The following GNG8 variants were observed in gnomAD, a reference collection of about 807,000 sequenced individuals.
The protein encoded by GNG8 is guanine nucleotide-binding protein G(I)/G(S)/G(O) subunit gamma-8.
In GNG8, 3 loss-of-function variants were observed where a neutral mutation model predicts 4.6. The observed-to-expected ratio is 0.65, with a 90% CI of 0.29 to 1.67. GNG8 has a LOEUF of 1.67. Ranked by LOEUF, GNG8 falls within the 40% of genes most tolerant of loss-of-function variation. The probability of loss-of-function intolerance (pLI) is 0.10; values close to 1 mark genes in which losing one functional copy is unlikely to be tolerated. For missense variants in GNG8, 88 were observed against 95.2 expected, an observed-to-expected ratio of 0.92 and a Z score of 0.32; for synonymous variants, 32 against 40.5, an observed-to-expected ratio of 0.79 and a Z score of 0.80.
upstream of GNG8, chr19:46,638,393 C>A (rs996007288): frequency 5.2e-5 from 8 of 153,206 alleles, no homozygotes; most frequent in East Asian, 1.9e-4. This position sits in a 1 kb window ranked among gnomAD's most constrained non-coding sequence, Gnocchi z 4.7. Flanking sequence ...CACCACACAC[C>A]ATCTCACCAG....
chr19:46,635,196 G>C lies in GNG8; in HGVS notation c.-43-471C>G, dbSNP rs530742436. 3.2e-3 allele frequency among the ~76,000 whole-genome samples: 487 copies of C among 151,932 alleles called. 1 individual carries two copies. Among genetic ancestry groups the C allele is most frequent in the African/African-American group, 0.011 (438 of 41,476 alleles). On this transcript the variant is annotated intron_variant, in intron 1 of 2. Transcript: ENST00000693335. ...ACCCTCAGGGAGCCCCCCCACCCTA[G>C]CCCTGGTCACCTCAAAGCCTCCTCT... is the stretch of plus-strand genomic sequence containing the variant.
At chr19:46,634,340 C>T (rs2052848777) in intron 2 of GNG8, 136 bp from the exon 3 acceptor site, 1 of 1,072,136 alleles carries the variant, frequency 9.3e-7, no homozygotes, top group Non-Finnish European at 1.3e-6. Flanking sequence ...TCTTACTCCG[C>T]CCCCTCGTCC....
chr19:46,635,255 G>C (rs900031215), intron 1 of GNG8, among the ~76,000 whole-genome samples: 8 of 151,702 alleles, frequency 5.3e-5, no homozygotes, highest in African/African-American at 1.9e-4. Flanking sequence ...GGCTGGGGGA[G>C]CCCAACTCGG....
chr19:46,633,954 TC>T lies in GNG8; in HGVS notation c.*121del. ...AGAAGGAATGAGAACGGACACAGCT[TC>T]CCCTACGGTGGCCCCAAGCTCTGTG... On this transcript the variant is annotated 3_prime_UTR_variant, in exon 3 of 3. Coordinates refer to ENST00000693335, the MANE Select transcript of GNG8 (RefSeq NM_033258.2). 8.6e-7 allele frequency: 1 copy of T among 1,157,440 alleles called. No homozygotes were observed. The highest frequency in any genetic ancestry group is 1.2e-6 in the Non-Finnish European group (1 of 812,078). 71.7% of individuals were successfully genotyped at this position (1,157,440 alleles called of 1,614,324 possible).
At chr19:46,635,513 A>C (rs1434598698) in intron 1 of GNG8, among the ~76,000 whole-genome samples, 1 of 72,860 alleles carries the variant, frequency 1.4e-5, no homozygotes, top group Non-Finnish European at 2.7e-5. Context: ...GAGGGGACAG[A>C]GCAGGGGAGA....
chr19:46,635,191 C>T (rs1169216001), intron 1 of GNG8, among the ~76,000 whole-genome samples: 1 of 151,884 alleles, frequency 6.6e-6, no homozygotes, highest in African/African-American at 2.4e-5. Flanking sequence ...AGCCCCCCCA[C>T]CCTAGCCCTG....
chr19:46,635,111 C>T (rs928763837), intron 1 of GNG8, among the ~76,000 whole-genome samples: 1 of 151,980 alleles, frequency 6.6e-6, no homozygotes, highest in Non-Finnish European at 1.5e-5. Flanking sequence ...ATTAAGATCG[C>T]GGCGGGAGGG....
rs1178315761 is a variant in GNG8, at chr19:46,634,495, T to C, written c.84+104A>G. 8 of 1,018,714 alleles carry C rather than the reference T, an allele frequency of 7.9e-6. No homozygotes were observed. The African/African-American group carries it at 1.3e-4, about 17-fold the overall frequency. The allele number at this position is 1,018,714 out of a possible 1,614,324, so 63.1% of individuals were successfully genotyped here. On this transcript the variant is annotated intron_variant, in intron 2 of 2. Transcript: ENST00000693335. ...CTGCCCCGCCCCTTGCCCAGCCCTG[T>C]TCCCAGGGGCATCCTTGCACTATGG...
chr19:46,635,109 C>T (rs960499702), intron 1 of GNG8, among the ~76,000 whole-genome samples: 2 of 152,092 alleles, frequency 1.3e-5, no homozygotes, highest in Admixed American at 1.3e-4. Context: ...GAATTAAGAT[C>T]GCGGCGGGAG....
intron 2 of GNG8, 115 bp downstream of exon 2, chr19:46,634,484 G>T (rs572612366): frequency 8.6e-6 from 7 of 810,916 alleles, no homozygotes; most frequent in South Asian, 5.0e-5. Flanking sequence ...CCCGCCCCTT[G>T]CCCAGCCCTG....
rs1475164290 is a variant in GNG8 at position 46,634,162 on chromosome 19, G to A, written c.127C>T (p.His43Tyr). 6.2e-7 allele frequency: 1 copy of A among 1,613,548 alleles called. No individual in the cohort carries two copies. The part of the protein sequence containing the change: ...AAELLAFCET[H>Y]AKDDPLVTPV... ...GTCACCAGCGGGTCATCTTTGGCAT[G>A]CGTCTCGCAGAAAGCCAGGAGTTCC... Residue 43 changes from histidine (H) to tyrosine (Y), a missense_variant, in exon 3 of 3, where the codon CAT becomes TAT. Transcript: ENST00000693335.
chr19:46,634,538 A>G (rs910554056), intron 2 of GNG8, 61 bp downstream of exon 2: 205 of 1,447,910 alleles, frequency 1.4e-4, no homozygotes, highest in Non-Finnish European at 1.9e-4. Context: ...CCGGGCCGAC[A>G]CAGCCCCGGA....
At chr19:46,637,772 A>G (rs1229020826), upstream of GNG8, 1 of 112,304 alleles carries the variant, frequency 8.9e-6, no homozygotes, top group Non-Finnish European at 1.8e-5. Context: ...TTATTTTGGT[A>G]GAGACGGCGG....
At chr19:46,636,828 G>C, upstream of GNG8, 1 of 137,636 alleles carries the variant, frequency 7.3e-6, no homozygotes, top group Admixed American at 7.8e-5. Context: ...GTCTCGCTGT[G>C]TTGCCCAGGC....
upstream of GNG8, chr19:46,638,750 C>A (rs1431499702): frequency 1.3e-5 from 2 of 152,478 alleles, no homozygotes; most frequent in African/African-American, 4.8e-5. The surrounding 1 kb of genome is among the most constrained non-coding windows in gnomAD (Gnocchi z 4.7). Context: ...CACGCCCAGG[C>A]GCCCACCCTG....
upstream of GNG8, among the ~76,000 whole-genome samples, chr19:46,636,373 T>C (rs1040697632): frequency 1.3e-5 from 2 of 152,156 alleles, no homozygotes; most frequent in Non-Finnish European, 2.9e-5. Flanking sequence ...CTGCCGCTGC[T>C]GTCCTATTGT....
intron 1 of GNG8, among the ~76,000 whole-genome samples, 72 bp downstream of exon 1, chr19:46,636,075 C>T (rs1415145889): frequency 6.6e-6 from 1 of 152,086 alleles, no homozygotes; most frequent in Non-Finnish European, 1.5e-5. Context: ...CTCATTCATT[C>T]CCAGGCGGAG....
At chr19:46,634,274 T>A in intron 2 of GNG8, 70 bp from the exon 3 acceptor site, 1 of 1,504,208 alleles carries the variant, frequency 6.6e-7, no homozygotes, top group South Asian at 1.3e-5. Context: ...AGGCCCCGCC[T>A]CTTGCCCTGT....
chr19:46,634,318 C>T (rs545394329), intron 2 of GNG8, 114 bp from the exon 3 acceptor site: 2 of 1,249,156 alleles, frequency 1.6e-6, no homozygotes, highest in South Asian at 1.5e-5. Context: ...CCCATACAGG[C>T]CTTTCCCCTT....
Sources: gnomAD v4.1 joint callset for allele counts (sites outside exome capture counted in the v4.1 genomes callset) on GRCh38, gnomAD v4.1.1 for gene constraint, Gnocchi (gnomAD v3.1) non-coding constraint, MANE v1.5 for transcripts, NCBI Gene and HGNC (gene_info 2026-07-23, HGNC 2026-07-21) for gene names.